The following BEND2 variants were observed in gnomAD, a reference collection of about 807,000 sequenced individuals.
BEND2 encodes the protein BEN domain containing 2.
A neutral mutation model predicts 43.8 loss-of-function variants in BEND2; 19 were observed. The observed-to-expected ratio is 0.43, with a 90% CI of 0.30 to 0.64. The LOEUF (loss-of-function observed/expected upper bound fraction) is 0.64, where lower values mean the gene tolerates loss of function less well. Ranked by LOEUF, BEND2 falls within the 30% of genes least tolerant of loss-of-function variation. The pLI is 0.11. For missense variants in BEND2, 544 were observed against 574.0 expected (o/e 0.95, Z 0.53); for synonymous variants, 226 against 210.1 (o/e 1.08, Z -0.66).
In BEND2 at chrX:18,212,595, A is replaced by C. The variant is rs17274127; in HGVS notation, c.462T>G (p.Phe154Leu). The C allele has an allele frequency of 0.18, 218,921 of 1,202,833 alleles. 14,219 individuals carry two copies. Among genetic ancestry groups the C allele is most frequent in the East Asian group, 0.35 (11,904 of 33,637 alleles). The change falls in exon 4 of 14, where the codon TTT (phenylalanine) becomes TTG (leucine). Residue 154 changes from phenylalanine (F) to leucine (L), a missense_variant. By Grantham distance (22) the Phe-to-Leu change is conservative (BLOSUM62 0). This residue lies in a region of BEND2 where 501 missense variants were observed against 501.6 expected (regional missense o/e 1.00). Coordinates refer to ENST00000380033, the MANE Select transcript of BEND2 (RefSeq NM_153346.5). ...GAGTATAGAATCTTCCTCTTTTTGG[A>C]AAATCCACTTCCTCTGAGTTGTAAC... ...RYSYNSEEVDFPKRGRFYTPE... is the reference protein window; with the variant it reads ...RYSYNSEEVDLPKRGRFYTPE...
At chrX:18,177,455 T>C (rs1924209969) in intron 10 of BEND2, 114 bp downstream of exon 10, 9 of 778,392 alleles carry the variant, frequency 1.2e-5, no homozygotes, top group African/African-American at 4.2e-5. Context: ...AAAAAATGAA[T>C]AGTTTTAAGA....
intron 1 of BEND2, 51 bp downstream of exon 1, chrX:18,220,675 A>T (rs755895834): frequency 8.3e-7 from 1 of 1,206,352 alleles, no homozygotes; most frequent in South Asian, 1.8e-5. Context: ...CAGACTCTTG[A>T]CAGAACTTGA....
At chrX:18,167,283 A>G (rs776331022) in intron 13 of BEND2, among the ~76,000 whole-genome samples, 7 of 109,871 alleles carry the variant, frequency 6.4e-5, no homozygotes, top group Non-Finnish European at 1.1e-4. Flanking sequence ...TGTCTCAAAG[A>G]AAAAAAAAGA....
intron 7 of BEND2, among the ~76,000 whole-genome samples, chrX:18,193,521 C>T (rs1230716834): frequency 1.8e-5 from 2 of 110,592 alleles, no homozygotes; most frequent in South Asian, 3.8e-4. Flanking sequence ...TGGATAATAT[C>T]GATGTCAATA....
chrX:18,185,522 C>T (rs1425324656), intron 8 of BEND2, among the ~76,000 whole-genome samples: 1 of 84,647 alleles, frequency 1.2e-5, no homozygotes, highest in Non-Finnish European at 2.3e-5. Flanking sequence ...CAGAGCGAGA[C>T]TCAGTCGCAA....
chrX:18,201,396 C>CAAAAAAAAAAAAAAAAAA (rs1227049211), intron 6 of BEND2, among the ~76,000 whole-genome samples: 1 of 20,626 alleles, frequency 4.8e-5, no homozygotes, highest in African/African-American at 3.4e-4. Context: ...AACTCCATCT[C>CAAAAAAAAAAAAAAAAAA]AAAAAAAAAA....
In BEND2 at chrX:18,174,020, A is replaced by G. The variant is rs1297239450; in HGVS notation, c.1981+10T>C. 1 of 1,189,114 alleles carries G rather than the reference A, an allele frequency of 8.4e-7. No individual in the cohort carries two copies. Among genetic ancestry groups the G allele is most frequent in the Non-Finnish European group, 1.1e-6 (1 of 881,267 alleles). ...AACTTATTTAAATATAAGTTTTTAA[A>G]AAAACTCACTCCATGCTTCACCAGG... On this transcript the variant is annotated intron_variant, in intron 12 of 13. Transcript: ENST00000380033.
intron 1 of BEND2, among the ~76,000 whole-genome samples, chrX:18,218,305 C>T (rs987812321): frequency 9.0e-6 from 1 of 111,346 alleles, no homozygotes; most frequent in African/African-American, 3.3e-5. Flanking sequence ...TACTGAATAG[C>T]AAATTTATTA....
At position 18,212,577 on chromosome X, in the gene BEND2, G is replaced by C. The variant is rs775693628; in HGVS notation, c.480C>G (p.Phe160Leu). The change falls in exon 4 of 14, where the codon TTC becomes TTG. Residue 160 changes from phenylalanine to leucine, a missense_variant. By Grantham distance (22) the Phe-to-Leu change is conservative. Coordinates refer to ENST00000380033, the MANE Select transcript of BEND2 (RefSeq NM_153346.5). ...EEVDFPKRGR[F>L]YTPEVQSSIS... is the part of the protein sequence containing the mutation. ...CCATAATATCTACCTCTGGAGTATA[G>C]AATCTTCCTCTTTTTGGAAAATCCA... 3.4e-6 allele frequency: 4 copies of C among 1,177,129 alleles called. No homozygotes were observed. In the Admixed American group the frequency reaches 8.8e-5, roughly 26 times the overall value.
chrX:18,177,057 C>T (rs1236670970), intron 10 of BEND2, among the ~76,000 whole-genome samples: 1 of 110,599 alleles, frequency 9.0e-6, no homozygotes, highest in Non-Finnish European at 1.9e-5. Flanking sequence ...TCCTCATAGG[C>T]AGAAACACTT....
At chrX:18,193,244 A>C (rs1167798925) in intron 7 of BEND2, among the ~76,000 whole-genome samples, 1 of 110,909 alleles carries the variant, frequency 9.0e-6, no homozygotes, top group African/African-American at 3.3e-5. Context: ...CTTGAACCCA[A>C]GAGGTGGAGG....
Position 18,164,917 on chromosome X carries a change from AG to A in BEND2, c.*91del, listed in dbSNP as rs1923781866. 1.0e-6 allele frequency: 1 copy of A among 962,509 alleles called. No homozygotes were observed. The highest frequency in any genetic ancestry group is 2.0e-5 in the African/African-American group (1 of 50,691). The allele number at this position is 962,509 out of a possible 1,213,427, so 79.3% of individuals were successfully genotyped here. On this transcript the variant is annotated 3_prime_UTR_variant, in exon 14 of 14. Transcript: ENST00000380033. ...AGGTGTCAATGCAAACTACTCTGCC[AG>A]TACAGCAGGCTGATTTTGGAATTAG... is the stretch of plus-strand genomic sequence containing the variant.
At chrX:18,193,275 G>A (rs780494335) in intron 7 of BEND2, among the ~76,000 whole-genome samples, 2 of 110,635 alleles carry the variant, frequency 1.8e-5, no homozygotes, top group African/African-American at 6.6e-5. Context: ...CCAAGACTGC[G>A]CCACTGCACT....
At chrX:18,202,030 G>A (rs1925183154) in intron 5 of BEND2, 90 bp from the exon 6 acceptor site, 3 of 915,252 alleles carry the variant, frequency 3.3e-6, no homozygotes, top group African/African-American at 4.1e-5. Flanking sequence ...GAAAGAAAGA[G>A]AAACAGACAT....
At chrX:18,172,796 A>T (rs1924016280) in intron 12 of BEND2, among the ~76,000 whole-genome samples, 1 of 111,540 alleles carries the variant, frequency 9.0e-6, no homozygotes, top group African/African-American at 3.3e-5. Flanking sequence ...AGCAAAAAGA[A>T]ACAAAGTGGG....
intron 13 of BEND2, among the ~76,000 whole-genome samples, chrX:18,166,658 G>A (rs1198598193): frequency 9.0e-6 from 1 of 111,100 alleles, no homozygotes; most frequent in Admixed American, 9.6e-5. Flanking sequence ...TGGCCAGGAC[G>A]AACGGATTGC....
At position 18,176,622 on chromosome X, in the gene BEND2, C is replaced by T. The variant is rs187952266; in HGVS notation, c.1631-529G>A. ...TGAGCCCAGGAGTTCGAGGCTGCACCGAGCTATGATCAAACCACTGCACTC... is the reference window on the plus strand; with the variant it reads ...TGAGCCCAGGAGTTCGAGGCTGCACTGAGCTATGATCAAACCACTGCACTC... On this transcript the variant is annotated intron_variant, in intron 10 of 13. Transcript: ENST00000380033. 3.2e-3 allele frequency among the ~76,000 whole-genome samples: 346 copies of T among 109,248 alleles called. 1 individual carries two copies. The highest frequency in any genetic ancestry group is 5.0e-3 in the Non-Finnish European group (263 of 52,536). 94.9% of individuals were successfully genotyped at this position (109,248 alleles called of 115,157 possible).
chrX:18,167,831 G>T (rs1923862127), intron 13 of BEND2, among the ~76,000 whole-genome samples: 4 of 112,388 alleles, frequency 3.6e-5, no homozygotes, highest in African/African-American at 1.3e-4. Flanking sequence ...TCCCAAAAGG[G>T]CTGGGATTAC....
chrX:18,189,688 G>C (rs1348174381), intron 8 of BEND2, among the ~76,000 whole-genome samples: 3 of 111,735 alleles, frequency 2.7e-5, no homozygotes, highest in South Asian at 3.7e-4. Flanking sequence ...TATAAGACAA[G>C]AATAGATATT....
Sources: allele counts gnomAD v4.1 joint callset (sites outside exome capture counted in the v4.1 genomes callset), GRCh38; gene constraint gnomAD v4.1.1; regional missense constraint gnomAD v4.1.1; transcripts MANE v1.5; gene names NCBI Gene and HGNC (gene_info 2026-07-23, HGNC 2026-07-21).